The following CTNNA2 variants were observed in gnomAD, a reference collection of about 807,000 sequenced individuals.
CTNNA2 encodes catenin alpha-2.
Under a neutral mutation model 101.0 loss-of-function variants are expected in CTNNA2, and 42 were observed. That is an observed-to-expected ratio of 0.42 (90% CI 0.32 to 0.54). CTNNA2 has a LOEUF of 0.54. Among genes scored for constraint, CTNNA2 ranks in the 20% least tolerant of loss-of-function variants. The pLI is 0.14. For synonymous variants in CTNNA2, 450 were observed against 456.4 expected (o/e 0.99, Z 0.18); for missense variants, 871 against 1,223.1 (o/e 0.71, Z 4.29).
chr2:80,511,219 A>C (rs1452628771), intron 9 of CTNNA2, among the ~76,000 whole-genome samples: 1 of 152,222 alleles, frequency 6.6e-6, no homozygotes, highest in Admixed American at 6.5e-5. Flanking sequence ...ACCTAAGGCA[A>C]AATTGTAAAA....
rs141139720 is a variant in CTNNA2 at position 80,245,439 on chromosome 2, G to A, written c.1057-147772G>A. Reference sequence around the variant, plus strand: ...TTTGCTTTGAAATATTTTAACCAGGGGGTGAATATTTAGATCACATTCACA... The same window carrying A: ...TTTGCTTTGAAATATTTTAACCAGGAGGTGAATATTTAGATCACATTCACA... On this transcript the variant is annotated intron_variant, in intron 7 of 18. Coordinates refer to ENST00000402739, the MANE Select transcript of CTNNA2 (RefSeq NM_001282597.3). Among the ~76,000 whole-genome samples the A allele has an allele frequency of 5.9e-5, 9 of 152,114 alleles. No individual in the cohort carries two copies. In the East Asian group the frequency reaches 1.7e-3, roughly 29 times the overall value.
intron 18 of CTNNA2, among the ~76,000 whole-genome samples, chr2:80,624,839 G>T (rs1671519822): frequency 1.3e-5 from 2 of 151,820 alleles, no homozygotes; most frequent in African/African-American, 2.4e-5. Context: ...GACGACCTAA[G>T]GATATATGTA....
chr2:79,373,986 C>G (rs1279439150), exon 4 of CTNNA2: 1 of 152,154 alleles, frequency 6.6e-6, no homozygotes, highest in Non-Finnish European at 1.5e-5. Flanking sequence ...GGAGACTGTC[C>G]ATGAATGTCA....
chr2:80,129,257 A>G (rs1345173229), intron 7 of CTNNA2, among the ~76,000 whole-genome samples: 1 of 152,192 alleles, frequency 6.6e-6, no homozygotes, highest in Non-Finnish European at 1.5e-5. Context: ...GCTGATGGGA[A>G]GGCCCTGAAC....
rs191271707 is a variant in CTNNA2 at position 79,379,664 on chromosome 2, C to G, written c.-135+5651C>G. Among the ~76,000 whole-genome samples, 89 of 152,244 alleles carry G rather than the reference C, an allele frequency of 5.8e-4. 1 individual carries two copies. Among genetic ancestry groups the G allele is most frequent in the Admixed American group, 2.6e-3 (40 of 15,288 alleles). ...ACACTTGTCCAACAATTTACTTGAG[C>G]TAAACACCTTGAAGTAGTATGAATG... On this transcript the variant is annotated intron_variant, in intron 4 of 21. Transcript: ENST00000466387.
At chr2:79,670,507 G>A (rs2104579935) in intron 2 of CTNNA2, among the ~76,000 whole-genome samples, 1 of 152,278 alleles carries the variant, frequency 6.6e-6, no homozygotes, top group African/African-American at 2.4e-5. Flanking sequence ...CCGTGCTGCA[G>A]CCAGCATGAT....
intron 7 of CTNNA2, among the ~76,000 whole-genome samples, chr2:80,035,084 A>G (rs772336491): frequency 2.0e-5 from 3 of 152,216 alleles, no homozygotes; most frequent in Non-Finnish European, 4.4e-5. Context: ...ACAAATGAAC[A>G]TTATGTAATT....
chr2:79,258,052 G>A (rs1215748664), intron 2 of CTNNA2, among the ~76,000 whole-genome samples: 2 of 152,084 alleles, frequency 1.3e-5, no homozygotes, highest in African/African-American at 2.4e-5. Context: ...TGGATGAGGT[G>A]CCCACACTAC....
chr2:79,949,534 A>AAGGC (rs1688733795), intron 7 of CTNNA2, among the ~76,000 whole-genome samples: 1 of 152,140 alleles, frequency 6.6e-6, no homozygotes, highest in East Asian at 1.9e-4. Flanking sequence ...TTGGGAGGCA[A>AAGGC]AGGCAGGAGG....
chr2:79,732,178 C>T (rs750527100), intron 2 of CTNNA2, among the ~76,000 whole-genome samples: 5 of 151,952 alleles, frequency 3.3e-5, no homozygotes, highest in Admixed American at 6.6e-5. Flanking sequence ...AGTTTGAAAT[C>T]TGACGTGAAA....
intron 4 of CTNNA2, among the ~76,000 whole-genome samples, chr2:79,382,579 G>A (rs570737617): frequency 5.9e-5 from 9 of 152,218 alleles, no homozygotes; most frequent in African/African-American, 2.2e-4. Context: ...GAATTTTATA[G>A]CATTTAAAAA....
chr2:80,645,965 G>A (rs966340309), intron 18 of CTNNA2, among the ~76,000 whole-genome samples: 2 of 152,092 alleles, frequency 1.3e-5, no homozygotes, highest in Non-Finnish European at 2.9e-5. Context: ...GAGCTCATTT[G>A]ATTGACATTT....
rs947838262 is a variant in CTNNA2, at chr2:79,979,734, A to C, written c.1056+69937A>C. ...ATGGGAAAATAAGTATTTAAAAAAAAAATACTAAGATAAAGCCAGAGATAT... is the reference window on the plus strand; with the variant it reads ...ATGGGAAAATAAGTATTTAAAAAAACAATACTAAGATAAAGCCAGAGATAT... On this transcript the variant is annotated intron_variant, in intron 7 of 18. Coordinates refer to ENST00000402739, the MANE Select transcript of CTNNA2 (RefSeq NM_001282597.3). 7.9e-5 allele frequency among the ~76,000 whole-genome samples: 12 copies of C among 152,326 alleles called. 1 individual carries two copies. The highest frequency in any genetic ancestry group is 1.6e-4 in the Non-Finnish European group (11 of 68,034).
At chr2:79,468,383 C>T (rs1024341181) in intron 4 of CTNNA2, among the ~76,000 whole-genome samples, 7 of 152,002 alleles carry the variant, frequency 4.6e-5, no homozygotes, top group African/African-American at 9.7e-5. Flanking sequence ...ATAAAGCAAG[C>T]CCTTAGAGAC....
chr2:79,761,301 T>C (rs1672773506), intron 3 of CTNNA2, among the ~76,000 whole-genome samples: 1 of 152,184 alleles, frequency 6.6e-6, no homozygotes, highest in Admixed American at 6.5e-5. Flanking sequence ...ATTTGAAGTT[T>C]TACTTTAAAA....
At chr2:80,059,564 T>C (rs1697438076) in intron 7 of CTNNA2, among the ~76,000 whole-genome samples, 1 of 152,194 alleles carries the variant, frequency 6.6e-6, no homozygotes, top group Non-Finnish European at 1.5e-5. Flanking sequence ...TAGCACACTG[T>C]TAGGATAGTG....
At chr2:79,617,711 A>G (rs768069276) in intron 1 of CTNNA2, among the ~76,000 whole-genome samples, 40 of 152,304 alleles carry the variant, frequency 2.6e-4, no homozygotes, top group Non-Finnish European at 5.0e-4. Context: ...AACCTGACCA[A>G]TAGTGGTAAA....
intron 15 of CTNNA2, among the ~76,000 whole-genome samples, chr2:80,596,256 T>G (rs1469097596): frequency 1.4e-5 from 2 of 141,722 alleles, no homozygotes; most frequent in African/African-American, 2.8e-5. Context: ...ACTTAAGGAG[T>G]TTTTTTGGGC....
chr2:80,590,494 G>T (rs1013047672), intron 15 of CTNNA2, among the ~76,000 whole-genome samples: 2 of 151,822 alleles, frequency 1.3e-5, no homozygotes, highest in Non-Finnish European at 2.9e-5. Flanking sequence ...CGTGGCATTT[G>T]TTATTGAAAT....
Sources: allele counts gnomAD v4.1 joint callset (sites outside exome capture counted in the v4.1 genomes callset), GRCh38; gene constraint gnomAD v4.1.1; transcripts MANE v1.5; gene names NCBI Gene and HGNC (gene_info 2026-07-23, HGNC 2026-07-21).